Variants in RYR2 observed in about 807,000 individuals in gnomAD.
RYR2 encodes the protein ryanodine receptor 2.
In RYR2, 227 loss-of-function variants were observed where a neutral mutation model predicts 601.1. The observed-to-expected ratio is 0.38, with a 90% CI of 0.34 to 0.42. RYR2 has a LOEUF of 0.42. RYR2 is among the 10% of genes least tolerant of loss of function. The probability of loss-of-function intolerance (pLI) is 1.00; values close to 1 mark genes in which losing one functional copy is unlikely to be tolerated. For synonymous variants in RYR2, 2,223 were observed against 2,175.1 expected (o/e 1.02, Z -0.61); for missense variants, 4,646 against 6,156.5 (o/e 0.75, Z 8.21).
At chr1:237,654,503 T>C (rs1683059119) in intron 52 of RYR2, 89 bp downstream of exon 52, 6 of 1,316,168 alleles carry the variant, frequency 4.6e-6, no homozygotes, top group Non-Finnish European at 6.3e-6. Flanking sequence ...AGTTGAATAC[T>C]ATCTTTGCTA....
chr1:237,326,776 G>A (rs1456923398), intron 2 of RYR2, among the ~76,000 whole-genome samples: 2 of 152,180 alleles, frequency 1.3e-5, no homozygotes, highest in African/African-American at 4.8e-5. Flanking sequence ...GCAAATGGGA[G>A]CCTCTACTCC....
intron 4 of RYR2, among the ~76,000 whole-genome samples, chr1:237,358,973 G>T (rs1212388166): frequency 6.6e-6 from 1 of 152,070 alleles, no homozygotes; most frequent in African/African-American, 2.4e-5. Context: ...CAGTGGATTT[G>T]CAGCCACCCT....
chr1:237,377,049 T>C (rs1701095853), intron 7 of RYR2, among the ~76,000 whole-genome samples: 1 of 152,140 alleles, frequency 6.6e-6, no homozygotes, highest in Non-Finnish European at 1.5e-5. Flanking sequence ...GTGGTGAATT[T>C]AGCCTTAGAT....
At chr1:237,561,171 T>C (rs1344470033) in intron 27 of RYR2, among the ~76,000 whole-genome samples, 2 of 152,246 alleles carry the variant, frequency 1.3e-5, no homozygotes, top group East Asian at 3.9e-4. Context: ...TTTAAGAATT[T>C]AGAGATAGAG....
intron 26 of RYR2, 116 bp downstream of exon 26, chr1:237,548,706 A>G: frequency 7.9e-7 from 1 of 1,273,794 alleles, no homozygotes; most frequent in Non-Finnish European, 1.1e-6. Flanking sequence ...GATCACATAT[A>G]GTGCACATTT....
intron 1 of RYR2, among the ~76,000 whole-genome samples, chr1:237,074,329 T>C (rs142039590): frequency 1.6e-4 from 24 of 152,214 alleles, no homozygotes; most frequent in African/African-American, 5.5e-4. Flanking sequence ...TTTCAAAAAA[T>C]AGATTAAATA....
In RYR2 at chr1:237,223,733, C is replaced by T. The variant is rs527502002; in HGVS notation, c.49-46764C>T. 1.2e-4 allele frequency among the ~76,000 whole-genome samples: 19 copies of T among 152,212 alleles called. No homozygotes were observed. In the East Asian group the frequency reaches 1.4e-3, roughly 11 times the overall value. On this transcript the variant is annotated intron_variant, in intron 1 of 104. Coordinates refer to ENST00000366574, the MANE Select transcript of RYR2 (RefSeq NM_001035.3). Reference sequence around the variant, plus strand: ...TATATGGCCACACCACAGGTTTGTCCGACCAGTCTATCGGGCAGTTTACAT... The same window carrying T: ...TATATGGCCACACCACAGGTTTGTCTGACCAGTCTATCGGGCAGTTTACAT...
chr1:237,307,497 T>C (rs1693994460), intron 2 of RYR2, among the ~76,000 whole-genome samples: 1 of 152,248 alleles, frequency 6.6e-6, no homozygotes, highest in South Asian at 2.1e-4. Context: ...TTACAATAAT[T>C]CTGTAATTCC....
At chr1:237,646,473 A>G (rs996981881) in intron 48 of RYR2, among the ~76,000 whole-genome samples, 2 of 152,176 alleles carry the variant, frequency 1.3e-5, no homozygotes, top group African/African-American at 2.4e-5. Context: ...TCAACCACCA[A>G]TATTTCTTTC....
At chr1:237,208,936 G>GTGTATATATA (rs1418847642) in intron 1 of RYR2, among the ~76,000 whole-genome samples, 3 of 89,872 alleles carry the variant, frequency 3.3e-5, no homozygotes, top group African/African-American at 4.4e-5. Flanking sequence ...ATGTGTGTGT[G>GTGTATATATA]TATATATATA....
At position 237,441,489 on chromosome 1, in the gene RYR2, G is replaced by T. The variant is rs192503034; in HGVS notation, c.1170+6G>T. On this transcript the variant is annotated splice_donor_region_variant and intron_variant, in intron 13 of 104. Transcript: ENST00000366574. ...TGGGATCTATACAACGTAAGGTAAG[G>T]TGATAGAAAAAAACATAATTTATAG... 2 of 1,455,124 alleles carry T rather than the reference G, an allele frequency of 1.4e-6. No individual in the cohort carries two copies. The highest frequency in any genetic ancestry group is 1.6e-5 in the South Asian group (1 of 61,072). The allele number at this position is 1,455,124 out of a possible 1,614,324, so 90.1% of individuals were successfully genotyped here. A position where few individuals can be genotyped will look rare whatever the true frequency, so the allele number is the denominator to read the frequency against.
At chr1:237,130,608 A>T (rs1290548997) in intron 1 of RYR2, among the ~76,000 whole-genome samples, 1 of 152,090 alleles carries the variant, frequency 6.6e-6, no homozygotes, top group South Asian at 2.1e-4. Flanking sequence ...GTTACTCAGG[A>T]GGCTGAGGCA....
intron 3 of RYR2, among the ~76,000 whole-genome samples, chr1:237,346,600 G>T (rs1698334479): frequency 1.3e-5 from 2 of 152,124 alleles, no homozygotes. Flanking sequence ...TGAGATTGCT[G>T]AGTTTATTGT....
intron 6 of RYR2, among the ~76,000 whole-genome samples, chr1:237,370,809 C>T (rs1188292395): frequency 1.3e-5 from 2 of 151,698 alleles, no homozygotes; most frequent in Non-Finnish European, 1.5e-5. Context: ...TACAGGTGCC[C>T]GCCACCACAC....
At chr1:237,236,771 C>T (rs539826384) in intron 1 of RYR2, among the ~76,000 whole-genome samples, 3 of 152,162 alleles carry the variant, frequency 2.0e-5, no homozygotes, top group Admixed American at 6.5e-5. Flanking sequence ...GGATGGCGTG[C>T]TTTGAGATAT....
intron 41 of RYR2, among the ~76,000 whole-genome samples, chr1:237,630,884 C>T (rs974917164): frequency 4.6e-5 from 7 of 152,128 alleles, no homozygotes; most frequent in African/African-American, 1.7e-4. Flanking sequence ...TTCATGTATA[C>T]TCAGTTTCTC....
At chr1:237,054,377 A>C (rs561959382) in intron 1 of RYR2, among the ~76,000 whole-genome samples, 32 of 137,634 alleles carry the variant, frequency 2.3e-4, no homozygotes, top group African/African-American at 7.9e-4. Flanking sequence ...AAAGACTGTA[A>C]ATTGGATTAT....
At chr1:237,567,586 T>G (rs772062745) in intron 28 of RYR2, among the ~76,000 whole-genome samples, 35 of 152,000 alleles carry the variant, frequency 2.3e-4, no homozygotes, top group Non-Finnish European at 2.4e-4. Context: ...TGAGACCTTG[T>G]CTCAAAACAA....
chr1:237,547,063 T>C (rs2148076022), intron 25 of RYR2, among the ~76,000 whole-genome samples: 1 of 150,858 alleles, frequency 6.6e-6, no homozygotes, highest in Middle Eastern at 3.4e-3. Flanking sequence ...TGGAGAGCAG[T>C]GGCGTGATCT....
Sources: gnomAD v4.1 joint callset for allele counts (sites outside exome capture counted in the v4.1 genomes callset) on GRCh38, gnomAD v4.1.1 for gene constraint, MANE v1.5 for transcripts, NCBI Gene and HGNC (gene_info 2026-07-23, HGNC 2026-07-21) for gene names.